Variants in SMARCA2 observed in about 807,000 individuals in gnomAD.
SMARCA2 encodes the protein SWI/SNF related BAF chromatin remodeling complex subunit ATPase 2, also known as SWI/SNF-related matrix-associated actin-dependent regulator of chromatin subfamily A member 2.
In SMARCA2, 61 loss-of-function variants were observed where a neutral mutation model predicts 199.8. That is an observed-to-expected ratio of 0.31 (90% CI 0.25 to 0.38). The LOEUF is 0.38. Ranked by LOEUF, SMARCA2 falls within the 10% of genes least tolerant of loss-of-function variation. SMARCA2 has a pLI of 1.00. For synonymous variants in SMARCA2, 935 were observed against 732.0 expected (o/e 1.28, Z -4.48); for missense variants, 1,344 against 2,012.2 (o/e 0.67, Z 6.35).
intron 31 of SMARCA2, among the ~76,000 whole-genome samples, chr9:2,182,975 G>C (rs1231553276): frequency 1.4e-5 from 2 of 146,234 alleles, no homozygotes; most frequent in East Asian, 2.1e-4. Flanking sequence ...ATTTTTAGTA[G>C]AGACGGGGTT....
chr9:2,111,429 C>T (rs1051595604), intron 24 of SMARCA2, among the ~76,000 whole-genome samples: 1 of 145,934 alleles, frequency 6.9e-6, no homozygotes, highest in African/African-American at 2.5e-5. Flanking sequence ...GAGGCAGAGG[C>T]TATAGTGAGC....
chr9:2,076,611 C>T (rs567402782), intron 13 of SMARCA2, among the ~76,000 whole-genome samples: 1 of 151,932 alleles, frequency 6.6e-6, no homozygotes, highest in Non-Finnish European at 1.5e-5. Context: ...CAGGCTCACT[C>T]CTGAGCCTCA....
chr9:2,176,962 A>G (rs1826654142), intron 29 of SMARCA2, among the ~76,000 whole-genome samples: 1 of 152,054 alleles, frequency 6.6e-6, no homozygotes, highest in Non-Finnish European at 1.5e-5. Context: ...GATATTTCCA[A>G]ACTTGTTAGG....
At chr9:2,091,431 G>C (rs77130438) in intron 19 of SMARCA2, among the ~76,000 whole-genome samples, 19 of 152,216 alleles carry the variant, frequency 1.2e-4, no homozygotes, top group African/African-American at 4.6e-4. Context: ...CATCCATGTT[G>C]TTGCATGTAT....
chr9:2,078,110 G>C (rs1489274876), intron 14 of SMARCA2, among the ~76,000 whole-genome samples: 1 of 152,134 alleles, frequency 6.6e-6, no homozygotes, highest in African/African-American at 2.4e-5. Context: ...TTTTAGGTGT[G>C]GCTGTGGTTT....
At chr9:2,139,615 T>C (rs1824371361) in intron 27 of SMARCA2, among the ~76,000 whole-genome samples, 1 of 151,714 alleles carries the variant, frequency 6.6e-6, no homozygotes, top group Admixed American at 6.6e-5. Context: ...TGTTTTGTTC[T>C]ATTTTTCTCC....
At chr9:2,097,001 A>G (rs537548808) in intron 20 of SMARCA2, 6 of 530,052 alleles carry the variant, frequency 1.1e-5, no homozygotes, top group African/African-American at 5.7e-5. Flanking sequence ...GCTTATGTCA[A>G]TTTTGCAGCA....
intron 27 of SMARCA2, among the ~76,000 whole-genome samples, chr9:2,157,109 G>C (rs1825407140): frequency 6.6e-6 from 1 of 152,134 alleles, no homozygotes; most frequent in Non-Finnish European, 1.5e-5. Flanking sequence ...AAATAACGTA[G>C]CATCTTTGAG....
chr9:2,158,854 G>A lies in SMARCA2; in HGVS notation c.3982-2832G>A, dbSNP rs114748315. ...AGTGAATTGATTTCCATTAGAAAAA[G>A]ACCCTTAGAAATCACAGAACATAAA... On this transcript the variant is annotated intron_variant, in intron 27 of 33. Transcript: ENST00000349721. 2,803 of 1,294,164 alleles carry A rather than the reference G, an allele frequency of 2.2e-3. 47 individuals carry two copies. The African/African-American group carries it at 0.035, about 16-fold the overall frequency. 80.2% of individuals were successfully genotyped at this position (1,294,164 alleles called of 1,614,324 possible).
At chr9:2,028,880 TTGA>T (rs1459161759) in intron 1 of SMARCA2, 104 bp from the exon 2 acceptor site, 20 of 914,310 alleles carry the variant, frequency 2.2e-5, no homozygotes, top group Non-Finnish European at 3.4e-5. Context: ...GCAGCTCTGT[TTGA>T]TGTTTGTTAC....
Position 2,160,649 on chromosome 9 carries a change from G to A in SMARCA2, c.3982-1037G>A, listed in dbSNP as rs1036601285. 8 of 699,784 alleles carry A rather than the reference G, an allele frequency of 1.1e-5. No homozygotes were observed. The Admixed American group carries it at 1.6e-4, about 14-fold the overall frequency. 43.3% of individuals were successfully genotyped at this position (699,784 alleles called of 1,614,324 possible). On this transcript the variant is annotated intron_variant, in intron 27 of 33. Transcript: ENST00000349721. Reference sequence around the variant, plus strand: ...TTGCCTTATGATTAGAGCTCTTTCAGCTACGAGAAAGGATTGATTATCATT... The same window carrying A: ...TTGCCTTATGATTAGAGCTCTTTCAACTACGAGAAAGGATTGATTATCATT...
Position 2,189,272 on chromosome 9 carries a change from A to G in SMARCA2, c.4595-1994A>G, listed in dbSNP as rs1001050765. ...ATCATAAAACCTTAGGAAGCTGTTT[A>G]TAGGGCTCACCTAATGGTCCAGTTT... On this transcript the variant is annotated intron_variant, in intron 32 of 33. Transcript: ENST00000349721. Among the ~76,000 whole-genome samples the G allele has an allele frequency of 8.5e-5, 13 of 152,306 alleles. No individual in the cohort carries two copies. In the East Asian group the frequency reaches 2.5e-3, roughly 29 times the overall value.
In SMARCA2 at chr9:2,054,853, G is replaced by C. The variant is rs140629515; in HGVS notation, c.1173+130G>C. Reference sequence around the variant, plus strand: ...ATAAAGATATAAATATAGTAAAATAGTGAATCTTTTAGACCAACAGCTTAC... The same window carrying C: ...ATAAAGATATAAATATAGTAAAATACTGAATCTTTTAGACCAACAGCTTAC... On this transcript the variant is annotated intron_variant, in intron 6 of 33. Coordinates refer to ENST00000349721, the MANE Select transcript of SMARCA2 (RefSeq NM_003070.5). 867 of 949,324 alleles carry C rather than the reference G, an allele frequency of 9.1e-4. 9 individuals are homozygous for C. In the African/African-American group the frequency reaches 0.013, roughly 14 times the overall value. 58.8% of individuals were successfully genotyped at this position (949,324 alleles called of 1,614,324 possible). A position where few individuals can be genotyped will look rare whatever the true frequency, so the allele number is the denominator to read the frequency against.
chr9:2,024,685 C>T (rs1818750557), intron 1 of SMARCA2, among the ~76,000 whole-genome samples: 1 of 152,140 alleles, frequency 6.6e-6, no homozygotes, highest in Non-Finnish European at 1.5e-5. Flanking sequence ...GCACATTGCT[C>T]TGGCCTGGTG....
intron 28 of SMARCA2, among the ~76,000 whole-genome samples, chr9:2,162,305 T>G (rs1443704062): frequency 6.6e-6 from 1 of 152,214 alleles, no homozygotes; most frequent in African/African-American, 2.4e-5. Flanking sequence ...ATATTTCATG[T>G]TAAGACTGTT....
At chr9:2,074,518 C>G (rs1278238551) in intron 12 of SMARCA2, among the ~76,000 whole-genome samples, 2 of 152,104 alleles carry the variant, frequency 1.3e-5, no homozygotes, top group African/African-American at 2.4e-5. Context: ...GCACTTAATG[C>G]TTTTGTAAAG....
intron 31 of SMARCA2, among the ~76,000 whole-genome samples, chr9:2,183,418 G>A (rs1827199449): frequency 6.6e-6 from 1 of 152,166 alleles, no homozygotes; most frequent in South Asian, 2.1e-4. Context: ...ACCAAGGTGA[G>A]GGCACTTTCA....
chr9:2,143,225 C>T (rs915818591), intron 27 of SMARCA2, among the ~76,000 whole-genome samples: 4 of 152,038 alleles, frequency 2.6e-5, no homozygotes, highest in Admixed American at 1.3e-4. Context: ...GGGAAGTATA[C>T]GAAGGCTTGG....
chr9:2,181,150 CAAAG>C (rs968296160), intron 29 of SMARCA2: 5 of 152,646 alleles, frequency 3.3e-5, no homozygotes, highest in African/African-American at 1.2e-4. Context: ...AATTTGAAAA[CAAAG>C]GAGTATGGAA....
Sources: gnomAD v4.1 joint callset for allele counts (sites outside exome capture counted in the v4.1 genomes callset) on GRCh38, gnomAD v4.1.1 for gene constraint, MANE v1.5 for transcripts, NCBI Gene and HGNC (gene_info 2026-07-23, HGNC 2026-07-21) for gene names.